The following MBTD1 variants were observed in gnomAD, a reference collection of about 807,000 sequenced individuals.
The protein encoded by MBTD1 is MBT domain-containing protein 1.
Under a neutral mutation model 87.8 loss-of-function variants are expected in MBTD1, and 24 were observed. The ratio of observed to expected loss-of-function variants is 0.27; its 90% CI spans 0.20 to 0.38. The LOEUF is 0.38. Ranked by LOEUF, MBTD1 falls within the 10% of genes least tolerant of loss-of-function variation. The pLI, the probability that MBTD1 is intolerant of heterozygous loss-of-function variation, is 1.00. For missense variants in MBTD1, 436 were observed against 760.2 expected, an observed-to-expected ratio of 0.57 and a Z score of 5.02; for synonymous variants, 237 against 248.6, an observed-to-expected ratio of 0.95 and a Z score of 0.44.
intron 2 of MBTD1, among the ~76,000 whole-genome samples, chr17:51,229,134 A>G: frequency 6.6e-6 from 1 of 152,194 alleles, no homozygotes; most frequent in Non-Finnish European, 1.5e-5. Context: ...GTTCAAGACC[A>G]ATCTGGGCAA....
chr17:51,221,024 G>A (rs901727205), intron 3 of MBTD1, among the ~76,000 whole-genome samples: 1 of 152,152 alleles, frequency 6.6e-6, no homozygotes, highest in Non-Finnish European at 1.5e-5. Flanking sequence ...CAGGTGTAGT[G>A]ACTCATGCCA....
chr17:51,236,034 T>C (rs573854628), intron 2 of MBTD1, among the ~76,000 whole-genome samples: 217 of 152,292 alleles, frequency 1.4e-3, no homozygotes, highest in Admixed American at 2.8e-3. Context: ...TGTCTATTTA[T>C]GGGTATATAT....
At chr17:51,260,182 G>C (rs1279565088), upstream of MBTD1, 1 of 389,104 alleles carries the variant, frequency 2.6e-6, no homozygotes, top group Non-Finnish European at 4.6e-6. Flanking sequence ...ACCGTACCAA[G>C]ACGAAGGGTG....
chr17:51,245,677 A>G (rs964990598), intron 2 of MBTD1, among the ~76,000 whole-genome samples: 1 of 151,896 alleles, frequency 6.6e-6, no homozygotes, highest in African/African-American at 2.4e-5. Context: ...TTCCATATGT[A>G]GTTGTGTCCA....
intron 2 of MBTD1, chr17:51,256,350 A>G (rs1444363355): frequency 1.3e-5 from 2 of 152,214 alleles, no homozygotes; most frequent in East Asian, 3.9e-4. Context: ...CTTTGTCCAG[A>G]GCTCACTTCT....
intron 12 of MBTD1, among the ~76,000 whole-genome samples, chr17:51,200,411 C>A (rs1206184474): frequency 1.3e-5 from 2 of 151,308 alleles, no homozygotes; most frequent in Admixed American, 1.3e-4. Flanking sequence ...ACAACAACAA[C>A]AAAAAAACTG....
At chr17:51,260,518 C>T, upstream of MBTD1, 5 of 1,487,962 alleles carry the variant, frequency 3.4e-6, no homozygotes, top group African/African-American at 1.4e-5. Context: ...CGGCGGCCCG[C>T]GAGGGGCCTG....
chr17:51,236,102 T>A (rs1422727333), intron 2 of MBTD1, among the ~76,000 whole-genome samples: 1 of 152,106 alleles, frequency 6.6e-6, no homozygotes, highest in Non-Finnish European at 1.5e-5. Flanking sequence ...ATCTATAGAT[T>A]TACATACCTA....
intron 4 of MBTD1, among the ~76,000 whole-genome samples, chr17:51,219,592 A>G (rs1386554298): frequency 6.6e-6 from 1 of 152,210 alleles, no homozygotes; most frequent in Non-Finnish European, 1.5e-5. Context: ...TCTGAAATAT[A>G]GAAATACATC....
At chr17:51,243,771 CCCA>C (rs2054283610) in intron 2 of MBTD1, among the ~76,000 whole-genome samples, 2 of 152,176 alleles carry the variant, frequency 1.3e-5, no homozygotes, top group South Asian at 4.1e-4. Flanking sequence ...AAGCGATCCT[CCCA>C]CCACAGCCTC....
intron 2 of MBTD1, among the ~76,000 whole-genome samples, chr17:51,249,084 C>T (rs1353581339): frequency 2.1e-5 from 3 of 141,330 alleles, no homozygotes; most frequent in African/African-American, 5.1e-5. Flanking sequence ...GACTTCGTCT[C>T]TACAATAAGC....
At chr17:51,187,418 AAG>A (rs1384535684) in intron 16 of MBTD1, among the ~76,000 whole-genome samples, 2 of 151,910 alleles carry the variant, frequency 1.3e-5, no homozygotes, top group Non-Finnish European at 2.9e-5. Flanking sequence ...AAAAAAAAAA[AAG>A]TATCACCCTT....
chr17:51,236,082 G>GTA (rs957404077), intron 2 of MBTD1, among the ~76,000 whole-genome samples: 19 of 151,716 alleles, frequency 1.3e-4, no homozygotes, highest in Non-Finnish European at 7.4e-5. Context: ...CATATAGAGT[G>GTA]TATATATATA....
At chr17:51,228,994 TAACA>T (rs1220047111) in intron 2 of MBTD1, among the ~76,000 whole-genome samples, 18 of 139,866 alleles carry the variant, frequency 1.3e-4, no homozygotes, top group Admixed American at 9.5e-4. Context: ...TCCCTAAACC[TAACA>T]AACAAACAAA....
upstream of MBTD1, chr17:51,260,394 A>C (rs2055404908): frequency 1.6e-6 from 1 of 621,894 alleles, no homozygotes; most frequent in African/African-American, 2.0e-5. Context: ...TCCCGGAGGA[A>C]CTCCCACACG....
At chr17:51,249,010 G>A (rs1278694379) in intron 2 of MBTD1, among the ~76,000 whole-genome samples, 2 of 152,112 alleles carry the variant, frequency 1.3e-5, no homozygotes, top group Non-Finnish European at 2.9e-5. Flanking sequence ...CAGCACTATG[G>A]GAGGCCAAGG....
At chr17:51,190,847 G>A (rs2050773968) in intron 16 of MBTD1, among the ~76,000 whole-genome samples, 1 of 149,096 alleles carries the variant, frequency 6.7e-6, no homozygotes, top group Admixed American at 6.7e-5. Flanking sequence ...TTGGGAGGCT[G>A]AGGTGGGCAG....
At chr17:51,240,356 T>C (rs1197213362) in intron 2 of MBTD1, among the ~76,000 whole-genome samples, 1 of 152,238 alleles carries the variant, frequency 6.6e-6, no homozygotes, top group Non-Finnish European at 1.5e-5. Flanking sequence ...GATCCCACAG[T>C]ACATTTAGTC....
chr17:51,201,710 T>G lies in MBTD1; in HGVS notation c.1120-14A>C, dbSNP rs748145008. 22 of 1,431,304 alleles carry G rather than the reference T, an allele frequency of 1.5e-5. No homozygotes were observed. Among genetic ancestry groups the G allele is most frequent in the Admixed American group, 5.2e-5 (3 of 57,360 alleles). The allele number at this position is 1,431,304 out of a possible 1,614,324, so 88.7% of individuals were successfully genotyped here. On this transcript the variant is annotated splice_polypyrimidine_tract_variant and intron_variant, in intron 11 of 16. Transcript: ENST00000586178. Reference sequence around the variant, plus strand: ...TACTTCTTTTACCTAAAGAATTATATGAAAGCACATCTACTGTTACAAATG... The same window carrying G: ...TACTTCTTTTACCTAAAGAATTATAGGAAAGCACATCTACTGTTACAAATG...
Sources: allele counts gnomAD v4.1 joint callset (sites outside exome capture counted in the v4.1 genomes callset), GRCh38; gene constraint gnomAD v4.1.1; transcripts MANE v1.5; gene names NCBI Gene and HGNC (gene_info 2026-07-23, HGNC 2026-07-21).